MRM2: variants seen among roughly 807,000 people sequenced by gnomAD.
MRM2 encodes the protein rRNA methyltransferase 2, mitochondrial.
MRM2 carries 15 observed loss-of-function variants against 10.9 expected under a neutral mutation model. That is an observed-to-expected ratio of 1.37 (90% CI 0.92 to 2.11). The LOEUF (loss-of-function observed/expected upper bound fraction) is 2.11. MRM2 is among the 30% of genes most tolerant of loss of function. The probability of loss-of-function intolerance (pLI) is 0.00; values close to 1 mark genes in which losing one functional copy is unlikely to be tolerated. For synonymous variants in MRM2, 139 were observed against 128.7 expected (o/e 1.08, Z -0.54); for missense variants, 328 against 321.3 (o/e 1.02, Z -0.16).
In MRM2 at chr7:2,235,467, G is replaced by A; in HGVS notation, c.396C>T (p.Asp132=). The A allele has an allele frequency of 6.2e-7, 1 of 1,613,964 alleles. No individual in the cohort carries two copies. Among genetic ancestry groups the A allele is most frequent in the Non-Finnish European group, 8.5e-7 (1 of 1,179,940 alleles). ...ATFLCPADVT[D]PRTSQRILEV... ...CGAGGATTCTCTGTGAGGTTCTCGGGTCAGTCACGTCAGCAGGGCACAGAA... is the reference window on the plus strand; with the variant it reads ...CGAGGATTCTCTGTGAGGTTCTCGGATCAGTCACGTCAGCAGGGCACAGAA... Residue 132 remains aspartate, a synonymous_variant, in exon 3 of 3, where the codon GAC becomes GAT. Transcript: ENST00000242257.
intron 1 of MRM2, among the ~76,000 whole-genome samples, chr7:2,240,688 CAAGG>C (rs927423355): frequency 2.6e-5 from 4 of 151,548 alleles, no homozygotes; most frequent in Non-Finnish European, 4.4e-5. Context: ...ACAACCTCAC[CAAGG>C]AAGTTCTATG....
At position 2,239,474 on chromosome 7, in the gene MRM2, G is replaced by A. The variant is rs41273051; in HGVS notation, c.242C>T (p.Ala81Val). 9.9e-6 allele frequency: 16 copies of A among 1,613,700 alleles called. No individual in the cohort carries two copies. The highest frequency in any genetic ancestry group is 1.7e-5 in the Admixed American group (1 of 60,012). Residue 81 changes from alanine (A) to valine (V), a missense_variant, in exon 2 of 3, where the codon GCA (alanine) becomes GTA (valine). Coordinates refer to ENST00000242257, the MANE Select transcript of MRM2 (RefSeq NM_013393.3). ...CACCTGACTCCAGGCCCCAGGAGCT[G>A]CCCCACAGTCTAACACCCGAAGGCC... ...RPGLRVLDCGAAPGAWSQVAV... is the reference protein window; with the variant it reads ...RPGLRVLDCGVAPGAWSQVAV...
intron 1 of MRM2, among the ~76,000 whole-genome samples, chr7:2,241,649 C>G (rs1292185702): frequency 6.6e-6 from 1 of 152,218 alleles, no homozygotes; most frequent in African/African-American, 2.4e-5. Flanking sequence ...AGTTACCACC[C>G]TCATGGCTCC....
chr7:2,239,635 C>G lies in MRM2; in HGVS notation c.81G>C (p.Arg27=). ...FHTVGSRCKN[R]TGAEHLWLTR... is the part of the protein sequence containing the mutation. ...TCAGCCACAGGTGCTCAGCGCCTGTCCGATTCTTGCAGCGACTCCCAACAG... is the reference window on the plus strand; with the variant it reads ...TCAGCCACAGGTGCTCAGCGCCTGTGCGATTCTTGCAGCGACTCCCAACAG... Residue 27 remains arginine (R), a synonymous_variant, in exon 2 of 3, where the codon CGG becomes CGC. Coordinates refer to ENST00000242257, the MANE Select transcript of MRM2 (RefSeq NM_013393.3). The G allele has an allele frequency of 1.2e-6, 2 of 1,614,008 alleles. No individual in the cohort carries two copies. Among genetic ancestry groups the G allele is most frequent in the Non-Finnish European group, 1.7e-6 (2 of 1,179,918 alleles).
At chr7:2,237,891 C>G (rs868800540) in intron 2 of MRM2, 2 of 82,214 alleles carry the variant, frequency 2.4e-5, no homozygotes, top group South Asian at 4.1e-4. Context: ...GCTCTATAAA[C>G]AAAAAAAAAA....
chr7:2,242,047 G>C (rs913948742), intron 1 of MRM2, 115 bp downstream of exon 1: 121 of 1,167,854 alleles, frequency 1.0e-4, no homozygotes, highest in Non-Finnish European at 1.4e-4. Flanking sequence ...CGCTGAGTGC[G>C]GGGACGGTGC....
intron 1 of MRM2, chr7:2,241,913 C>A (rs150588075): frequency 0.027 from 12,276 of 460,012 alleles, 318 homozygotes; most frequent in Non-Finnish European, 0.025. Context: ...CTGCGCCCCC[C>A]ACCTGGACTC....
In MRM2 at chr7:2,239,580, C is replaced by A; in HGVS notation, c.136G>T (p.Ala46Ser). Residue 46 changes from alanine to serine, a missense_variant, in exon 2 of 3, where the codon GCT (alanine) becomes TCT (serine). Coordinates refer to ENST00000242257, the MANE Select transcript of MRM2 (RefSeq NM_013393.3). ...TRHLRDPFVKAAKVESYRCRS... is the reference protein window; with the variant it reads ...TRHLRDPFVKSAKVESYRCRS... ...CACCGGTAACTCTCCACCTTCGCAGCCTTCACAAATGGGTCCCTGAGATGT... is the reference window on the plus strand; with the variant it reads ...CACCGGTAACTCTCCACCTTCGCAGACTTCACAAATGGGTCCCTGAGATGT... The A allele has an allele frequency of 6.2e-7, 1 of 1,614,146 alleles. No homozygotes were observed.
intron 2 of MRM2, among the ~76,000 whole-genome samples, chr7:2,236,177 C>T (rs980075863): frequency 6.6e-6 from 1 of 152,130 alleles, no homozygotes; most frequent in Non-Finnish European, 1.5e-5. Flanking sequence ...TTGCAGTGAG[C>T]CAAGATCGCA....
intron 2 of MRM2, 84 bp downstream of exon 2, chr7:2,239,334 C>CTTTTTTTT: frequency 7.3e-7 from 1 of 1,368,272 alleles, no homozygotes; most frequent in Non-Finnish European, 1.0e-6. Context: ...TCCACCATCC[C>CTTTTTTTT]GCATCCACTG....
At position 2,239,497 on chromosome 7, in the gene MRM2, G is replaced by A. The variant is rs144143432; in HGVS notation, c.219C>T (p.Gly73=). The A allele has an allele frequency of 1.6e-4, 257 of 1,613,786 alleles. 1 individual carries two copies. Among genetic ancestry groups the A allele is most frequent in the Non-Finnish European group, 2.1e-4 (247 of 1,180,026 alleles). ...CTGCCCCACAGTCTAACACCCGAAG[G>A]CCGGGCCGCAGAATCTGGTGCCTCT... ...VNERHQILRP[G]LRVLDCGAAP... The change falls in exon 2 of 3, where the codon GGC becomes GGT. Residue 73 remains glycine, a synonymous_variant. Coordinates refer to ENST00000242257, the MANE Select transcript of MRM2 (RefSeq NM_013393.3).
rs1177201756 is a variant in MRM2, at chr7:2,234,414, G to C, written c.*708C>G. The C allele has an allele frequency of 2.6e-5, 4 of 152,208 alleles. No homozygotes were observed. The highest frequency in any genetic ancestry group is 4.8e-5 in the African/African-American group (2 of 41,454). The allele number at this position is 152,208 out of a possible 1,614,324, so 9.4% of individuals were successfully genotyped here. A position where few individuals can be genotyped will look rare whatever the true frequency, so the allele number is the denominator to read the frequency against. On this transcript the variant is annotated 3_prime_UTR_variant, in exon 3 of 3. Coordinates refer to ENST00000242257, the MANE Select transcript of MRM2 (RefSeq NM_013393.3). ...CATACGTCTTCCCTAATTGTTCCGG[G>C]AACTTTTGCTGCTTGAAGAATGCGT...
Position 2,239,711 on chromosome 7 carries a change from G to C in MRM2, c.9-4C>G, listed in dbSNP as rs917296266. Reference sequence around the variant, plus strand: ...AACACACACCAGCTTCAAGTACCTGGTGGGAGAGAAGAGGAGCAGGCAGGT... The same window carrying C: ...AACACACACCAGCTTCAAGTACCTGCTGGGAGAGAAGAGGAGCAGGCAGGT... On this transcript the variant is annotated splice_region_variant and splice_polypyrimidine_tract_variant and intron_variant, in intron 1 of 2. Transcript: ENST00000242257. 2 of 1,609,192 alleles carry C rather than the reference G, an allele frequency of 1.2e-6. No individual in the cohort carries two copies. Among genetic ancestry groups the C allele is most frequent in the Non-Finnish European group, 1.7e-6 (2 of 1,176,184 alleles).
At chr7:2,236,913 C>T (rs549949689) in intron 2 of MRM2, among the ~76,000 whole-genome samples, 1 of 152,244 alleles carries the variant, frequency 6.6e-6, no homozygotes, top group East Asian at 1.9e-4. Flanking sequence ...GAGGCAGATG[C>T]TGAGATCAGT....
chr7:2,239,374 C>T, intron 2 of MRM2, 44 bp downstream of exon 2: 3 of 1,570,272 alleles, frequency 1.9e-6, no homozygotes, highest in Non-Finnish European at 1.7e-6. Context: ...GCCCACTCAG[C>T]CTCAGGGGAG....
chr7:2,234,971 G>A lies in MRM2; in HGVS notation c.*151C>T, dbSNP rs900245968. 3 of 569,154 alleles carry A rather than the reference G, an allele frequency of 5.3e-6. No individual in the cohort carries two copies. The highest frequency in any genetic ancestry group is 1.9e-5 in the African/African-American group (1 of 53,010). The allele number at this position is 569,154 out of a possible 1,614,324, so 35.3% of individuals were successfully genotyped here. On this transcript the variant is annotated 3_prime_UTR_variant, in exon 3 of 3. Transcript: ENST00000242257. ...TTTGTCATCTCTTTTTGGTTAAAAA[G>A]AGAGAGAGAGAAAGAGAGAGAGAGA...
chr7:2,242,094 G>A (rs982049897), intron 1 of MRM2, 68 bp downstream of exon 1: 8 of 1,541,662 alleles, frequency 5.2e-6, no homozygotes, highest in Non-Finnish European at 7.0e-6. Context: ...CCAGGACCGA[G>A]GAAGGCGACC....
chr7:2,237,428 A>G (rs1794437161), intron 2 of MRM2, among the ~76,000 whole-genome samples: 3 of 152,210 alleles, frequency 2.0e-5, no homozygotes, highest in Admixed American at 6.5e-5. Flanking sequence ...AAGCCCAGGC[A>G]GATCACGCTC....
chr7:2,242,128 C>T (rs1471315743), intron 1 of MRM2, 34 bp downstream of exon 1: 11 of 1,583,486 alleles, frequency 6.9e-6, no homozygotes, highest in Non-Finnish European at 9.4e-6. Flanking sequence ...ACCACTCCCG[C>T]TGTCTGCACG....
Sources: gnomAD v4.1 joint callset for allele counts (sites outside exome capture counted in the v4.1 genomes callset) on GRCh38, gnomAD v4.1.1 for gene constraint, MANE v1.5 for transcripts, NCBI Gene and HGNC (gene_info 2026-07-23, HGNC 2026-07-21) for gene names.